The following PEX7 variants were observed in gnomAD, a reference collection of about 807,000 sequenced individuals.
PEX7 encodes peroxisomal biogenesis factor 7.
Under a neutral mutation model 47.5 loss-of-function variants are expected in PEX7, and 34 were observed. The ratio of observed to expected loss-of-function variants is 0.72; its 90% CI spans 0.54 to 0.95. The LOEUF (loss-of-function observed/expected upper bound fraction) is 0.95, where lower values mean the gene tolerates loss of function less well. Ranked by LOEUF, PEX7 falls within the 40% of genes least tolerant of loss-of-function variation. The pLI is 0.00. For missense variants in PEX7, 394 were observed against 400.3 expected (o/e 0.98, Z 0.13); for synonymous variants, 141 against 148.8 (o/e 0.95, Z 0.38).
intron 9 of PEX7, among the ~76,000 whole-genome samples, chr6:136,910,061 G>T (rs1775909010): frequency 6.6e-6 from 1 of 152,118 alleles, no homozygotes; most frequent in Non-Finnish European, 1.5e-5. Flanking sequence ...GGCAAATAAT[G>T]GTTTTCAGTT....
intron 3 of PEX7, among the ~76,000 whole-genome samples, chr6:136,843,218 C>G (rs1774534248): frequency 1.3e-5 from 2 of 152,134 alleles, no homozygotes; most frequent in Non-Finnish European, 2.9e-5. Flanking sequence ...GTTACTTAAC[C>G]TCTCTGGGCC....
chr6:136,830,143 C>G (rs1582735360), intron 3 of PEX7: 1 of 673,380 alleles, frequency 1.5e-6, no homozygotes, highest in Admixed American at 2.5e-5. Flanking sequence ...TGTAAGTTAC[C>G]TGTTGTGAGA....
At chr6:136,823,762 T>C (rs895667194) in intron 1 of PEX7, among the ~76,000 whole-genome samples, 1 of 152,012 alleles carries the variant, frequency 6.6e-6, no homozygotes, top group Non-Finnish European at 1.5e-5. Context: ...TGGTGGCGCA[T>C]GCCTGTAATC....
chr6:136,886,346 A>G (rs1176377307), intron 8 of PEX7, among the ~76,000 whole-genome samples: 4 of 152,152 alleles, frequency 2.6e-5, no homozygotes, highest in Non-Finnish European at 5.9e-5. Context: ...CTTGAAGTGA[A>G]AAGCTGACTC....
rs1775285220 is a variant in PEX7, at chr6:136,876,943, A to G, written c.803+4690A>G. Reference sequence around the variant, plus strand: ...TCTTCCACAATGGTTGAACTAATTTACACTCCCACCAACAGTGTAAAAGCC... The same window carrying G: ...TCTTCCACAATGGTTGAACTAATTTGCACTCCCACCAACAGTGTAAAAGCC... On this transcript the variant is annotated intron_variant, in intron 8 of 9. Transcript: ENST00000318471. Among the ~76,000 whole-genome samples the G allele has an allele frequency of 3.3e-5, 5 of 152,198 alleles. No homozygotes were observed. In the South Asian group the frequency reaches 1.0e-3, roughly 32 times the overall value.
chr6:136,877,208 A>G (rs1775291746), intron 8 of PEX7, among the ~76,000 whole-genome samples: 2 of 149,750 alleles, frequency 1.3e-5, no homozygotes, highest in South Asian at 4.2e-4. Flanking sequence ...TTGATTCTGG[A>G]TATTAGCCCC....
chr6:136,865,705 G>A (rs1349879839), intron 5 of PEX7, among the ~76,000 whole-genome samples: 5 of 152,192 alleles, frequency 3.3e-5, no homozygotes, highest in Non-Finnish European at 7.3e-5. Flanking sequence ...TTGAACCCAG[G>A]AGGTGGAAGT....
At chr6:136,833,390 A>G (rs1774328475) in intron 3 of PEX7, among the ~76,000 whole-genome samples, 2 of 152,244 alleles carry the variant, frequency 1.3e-5, no homozygotes, top group South Asian at 2.1e-4. Context: ...TGAGATCCGT[A>G]TCAGGTGCCA....
At chr6:136,872,430 A>G (rs1775200293) in intron 8 of PEX7, among the ~76,000 whole-genome samples, 177 bp downstream of exon 8, 1 of 152,156 alleles carries the variant, frequency 6.6e-6, no homozygotes, top group African/African-American at 2.4e-5. Context: ...ATCCAGTCAC[A>G]TATATGAGTA....
chr6:136,894,552 T>A (rs982761117), intron 8 of PEX7, among the ~76,000 whole-genome samples: 50 of 152,264 alleles, frequency 3.3e-4, no homozygotes, highest in African/African-American at 1.2e-3. Flanking sequence ...ATCGCGCCAC[T>A]GCACTCCAGC....
chr6:136,823,350 T>C (rs1774120589), intron 1 of PEX7: 2 of 985,434 alleles, frequency 2.0e-6, no homozygotes, highest in African/African-American at 3.5e-5. Context: ...TTACCTGTAG[T>C]TGTCTAACGA....
Position 136,825,085 on chromosome 6 carries a change from C to G in PEX7, c.131-129C>G, listed in dbSNP as rs1425763719. The G allele has an allele frequency of 1.2e-5, 9 of 755,524 alleles. No individual in the cohort carries two copies. The East Asian group carries it at 1.8e-4, about 15-fold the overall frequency. The allele number at this position is 755,524 out of a possible 1,614,324, so 46.8% of individuals were successfully genotyped here. On this transcript the variant is annotated intron_variant, in intron 1 of 9. Transcript: ENST00000318471. ...ATTGATCACCTGACCATTTGGTATT[C>G]AAGGTCCCAAATACTTTGGGGAAAA...
At chr6:136,853,644 A>G (rs959541065) in intron 5 of PEX7, among the ~76,000 whole-genome samples, 1 of 152,200 alleles carries the variant, frequency 6.6e-6, no homozygotes, top group African/African-American at 2.4e-5. Flanking sequence ...GAAAATACTC[A>G]GAAATGGAAA....
At chr6:136,861,706 T>C (rs539038536) in intron 5 of PEX7, among the ~76,000 whole-genome samples, 2 of 151,772 alleles carry the variant, frequency 1.3e-5, no homozygotes, top group African/African-American at 4.8e-5. Context: ...TTGTGAAATT[T>C]GTTAAAAAGC....
intron 5 of PEX7, among the ~76,000 whole-genome samples, chr6:136,857,624 T>C (rs905990821): frequency 2.0e-5 from 3 of 152,234 alleles, no homozygotes; most frequent in Non-Finnish European, 4.4e-5. Context: ...GCTGGACTGC[T>C]TCAGATCAAG....
At position 136,913,531 on chromosome 6, in the gene PEX7, C is replaced by T; in HGVS notation, c.*5C>T. The T allele has an allele frequency of 3.1e-6, 5 of 1,594,400 alleles. No individual in the cohort carries two copies. Among genetic ancestry groups the T allele is most frequent in the Non-Finnish European group, 4.3e-6 (5 of 1,162,514 alleles). ...TGTCTTACTATTCCTGCTTGAGATA[C>T]ACTACTTTGGTCAGAAACAGAGGAT... On this transcript the variant is annotated 3_prime_UTR_variant, in exon 10 of 10. Coordinates refer to ENST00000318471, the MANE Select transcript of PEX7 (RefSeq NM_000288.4).
intron 5 of PEX7, among the ~76,000 whole-genome samples, chr6:136,858,005 A>G (rs11962899): frequency 0.042 from 6,333 of 152,186 alleles, 146 homozygotes; most frequent in African/African-American, 0.072. Flanking sequence ...TGGTAGAGAC[A>G]GGGTTTCACC....
At chr6:136,894,808 A>C (rs1309605118) in intron 8 of PEX7, among the ~76,000 whole-genome samples, 1 of 152,132 alleles carries the variant, frequency 6.6e-6, no homozygotes, top group Non-Finnish European at 1.5e-5. Flanking sequence ...CATGAGGGAG[A>C]TTAAATAGTC....
intron 3 of PEX7, among the ~76,000 whole-genome samples, chr6:136,826,697 A>G (rs987923782): frequency 6.6e-6 from 1 of 152,004 alleles, no homozygotes; most frequent in Non-Finnish European, 1.5e-5. Flanking sequence ...TTAGGCAGAA[A>G]GAACACCTCC....
Sources: gnomAD v4.1 joint callset for allele counts (sites outside exome capture counted in the v4.1 genomes callset) on GRCh38, gnomAD v4.1.1 for gene constraint, MANE v1.5 for transcripts, NCBI Gene and HGNC (gene_info 2026-07-23, HGNC 2026-07-21) for gene names.